Variants in LRBA observed in about 807,000 individuals in gnomAD.
The protein encoded by LRBA is lipopolysaccharide-responsive and beige-like anchor protein.
Under a neutral mutation model 330.0 loss-of-function variants are expected in LRBA, and 176 were observed. The ratio of observed to expected loss-of-function variants is 0.53; its 90% CI spans 0.47 to 0.60. The LOEUF (loss-of-function observed/expected upper bound fraction) is 0.60, where lower values mean the gene tolerates loss of function less well. Among genes scored for constraint, LRBA ranks in the 20% least tolerant of loss-of-function variants. The probability of loss-of-function intolerance (pLI) is 0.00; values close to 1 mark genes in which losing one functional copy is unlikely to be tolerated. For synonymous variants in LRBA, 1,230 were observed against 1,193.0 expected (o/e 1.03, Z -0.64); for missense variants, 3,259 against 3,444.8 (o/e 0.95, Z 1.35).
At chr4:150,689,591 C>T (rs1172148189) in intron 36 of LRBA, among the ~76,000 whole-genome samples, 1 of 151,708 alleles carries the variant, frequency 6.6e-6, no homozygotes, top group Non-Finnish European at 1.5e-5. Flanking sequence ...ATCTCAGGCC[C>T]ACATGTTTAT....
At chr4:150,340,975 G>A (rs949241024) in intron 48 of LRBA, among the ~76,000 whole-genome samples, 22 of 152,094 alleles carry the variant, frequency 1.4e-4, no homozygotes, top group African/African-American at 5.1e-4. Context: ...AGAAGGAAGT[G>A]AAATGATCTG....
intron 2 of LRBA, 146 bp downstream of exon 2, chr4:151,014,281 G>C (rs1745180762): frequency 1.6e-6 from 1 of 606,490 alleles, no homozygotes; most frequent in Admixed American, 3.0e-5. Context: ...AGATGAAATT[G>C]TTTCATTTAG....
intron 2 of LRBA, among the ~76,000 whole-genome samples, chr4:150,942,471 C>T (rs1434657189): frequency 6.6e-6 from 1 of 152,084 alleles, no homozygotes; most frequent in Non-Finnish European, 1.5e-5. Context: ...ACCATTTTGA[C>T]CTCTCCAGCC....
intron 40 of LRBA, among the ~76,000 whole-genome samples, chr4:150,541,961 G>T (rs1765363477): frequency 6.6e-6 from 1 of 152,002 alleles, no homozygotes; most frequent in African/African-American, 2.4e-5. Flanking sequence ...TTTAAAGACA[G>T]AAATACCTTG....
chr4:150,512,486 G>C (rs1004460139), intron 40 of LRBA, among the ~76,000 whole-genome samples: 1 of 152,102 alleles, frequency 6.6e-6, no homozygotes, highest in African/African-American at 2.4e-5. Flanking sequence ...GAGCCCTCAT[G>C]AATGGGATTA....
chr4:150,398,185 T>C (rs571409857), intron 47 of LRBA, among the ~76,000 whole-genome samples: 34 of 152,284 alleles, frequency 2.2e-4, no homozygotes, highest in African/African-American at 8.2e-4. Flanking sequence ...TAAATAAGCA[T>C]GGGACTAACA....
rs536172381 is a variant in LRBA, at chr4:150,310,235, C to G, written c.7843G>C (p.Asp2615His). 6.2e-7 allele frequency: 1 copy of G among 1,610,016 alleles called. No homozygotes were observed. The highest frequency in any genetic ancestry group is 8.5e-7 in the Non-Finnish European group (1 of 1,176,788). The change falls in exon 52 of 57, where the codon GAC (aspartate) becomes CAC (histidine). Residue 2615 changes from aspartate to histidine, a missense_variant. Asp to His is a moderately conservative substitution (Grantham distance 81). Transcript: ENST00000651943. Reference protein sequence around the residue: ...WDKSFRVYSTDTGRLIQVVFG... With the variant: ...WDKSFRVYSTHTGRLIQVVFG... Reference sequence around the variant, plus strand: ...TAAAGAAAATGAAAATTACCTGTGTCTGTAGAATAGACTCTGAAACTTTTA... The same window carrying G: ...TAAAGAAAATGAAAATTACCTGTGTGTGTAGAATAGACTCTGAAACTTTTA...
intron 44 of LRBA, among the ~76,000 whole-genome samples, chr4:150,458,844 T>C (rs1352138727): frequency 6.6e-6 from 1 of 151,858 alleles, no homozygotes; most frequent in Non-Finnish European, 1.5e-5. Flanking sequence ...CTTCTGGTTT[T>C]GTTTTGATTT....
In LRBA at chr4:150,583,386, G is replaced by C; in HGVS notation, c.6330+4662C>G. The C allele has an allele frequency of 2.5e-6, 4 of 1,614,088 alleles. No individual in the cohort carries two copies. Among genetic ancestry groups the C allele is most frequent in the Non-Finnish European group, 3.4e-6 (4 of 1,180,038 alleles). On this transcript the variant is annotated intron_variant, in intron 40 of 56. Coordinates refer to ENST00000651943, the MANE Select transcript of LRBA (RefSeq NM_001364905.1). This position sits in a 1 kb window ranked among gnomAD's most constrained non-coding sequence, Gnocchi z 9.8. ...CTCTCTGGGTCGAGTTCATCACGGC[G>C]TCGGGCTATCTCTCAGCGCGTAAGA... is the stretch of plus-strand genomic sequence containing the variant.
At chr4:150,415,832 T>C (rs1747658403) in intron 46 of LRBA, among the ~76,000 whole-genome samples, 1 of 152,192 alleles carries the variant, frequency 6.6e-6, no homozygotes, top group South Asian at 2.1e-4. Context: ...TCATGACATG[T>C]CTCATAACCT....
rs79746030 is a variant in LRBA at position 150,702,359 on chromosome 4, A to C, written c.5755-18642T>G. 7.1e-3 allele frequency among the ~76,000 whole-genome samples: 1,088 copies of C among 152,308 alleles called. 34 individuals are homozygous for C. The East Asian group carries it at 0.079, about 11-fold the overall frequency. On this transcript the variant is annotated intron_variant, in intron 36 of 56. Coordinates refer to ENST00000651943, the MANE Select transcript of LRBA (RefSeq NM_001364905.1). ...ACATGCACATAGGAAAAAACATATA[A>C]AGTCATTAGAAAAGAGCAAGGTAAA...
intron 43 of LRBA, among the ~76,000 whole-genome samples, chr4:150,468,768 C>A (rs956363343): frequency 6.6e-6 from 1 of 151,840 alleles, no homozygotes; most frequent in African/African-American, 2.4e-5. Context: ...TATATCAATA[C>A]GTAGCTGAAT....
At chr4:150,871,295 C>A in intron 19 of LRBA, 50 bp downstream of exon 19, 3 of 963,284 alleles carry the variant, frequency 3.1e-6, no homozygotes, top group South Asian at 1.4e-5. Flanking sequence ...TGTTAAGAGG[C>A]ATTTTTATAA....
intron 47 of LRBA, among the ~76,000 whole-genome samples, chr4:150,371,813 G>A (rs1467808142): frequency 1.3e-5 from 2 of 152,078 alleles, no homozygotes; most frequent in African/African-American, 2.4e-5. Context: ...TTTAAATGCT[G>A]TCTATATTCC....
In LRBA at chr4:150,265,363, T is replaced by A. The variant is rs1422352297; in HGVS notation, c.*359A>T. 1 of 171,900 alleles carries A rather than the reference T, an allele frequency of 5.8e-6. No homozygotes were observed. Among genetic ancestry groups the A allele is most frequent in the African/African-American group, 2.4e-5 (1 of 42,084 alleles). The allele number at this position is 171,900 out of a possible 1,614,324, so 10.6% of individuals were successfully genotyped here. A position where few individuals can be genotyped will look rare whatever the true frequency, so the allele number is the denominator to read the frequency against. ...AATATTGTAACCCACTTCCCCACTGTGAAAATCCTATTTCTCAAGCTTGTA... is the reference window on the plus strand; with the variant it reads ...AATATTGTAACCCACTTCCCCACTGAGAAAATCCTATTTCTCAAGCTTGTA... On this transcript the variant is annotated 3_prime_UTR_variant, in exon 57 of 57. Transcript: ENST00000651943.
At chr4:150,933,777 C>T (rs1460078309) in intron 2 of LRBA, among the ~76,000 whole-genome samples, 4 of 151,856 alleles carry the variant, frequency 2.6e-5, no homozygotes, top group Non-Finnish European at 5.9e-5. Context: ...TTTGGGAAAC[C>T]GAGAGAGCAG....
At chr4:150,571,346 T>C (rs2152283973) in intron 40 of LRBA, among the ~76,000 whole-genome samples, 1 of 152,198 alleles carries the variant, frequency 6.6e-6, no homozygotes, top group South Asian at 2.1e-4. Context: ...CAATGATTAA[T>C]AAACAGAAGA....
Position 150,305,236 on chromosome 4 carries a change from G to A in LRBA, c.7850-2444C>T, listed in dbSNP as rs60246200. On this transcript the variant is annotated intron_variant, in intron 52 of 56. Transcript: ENST00000651943. The stretch of plus-strand genomic sequence containing the variant: ...TCATGTGAGGACAAAGGGAAAAAAT[G>A]TAGCTGTAAAGGTGGGATGGATTAA... 3.9e-5 allele frequency among the ~76,000 whole-genome samples: 6 copies of A among 152,220 alleles called. No homozygotes were observed. In the East Asian group the frequency reaches 7.7e-4, roughly 20 times the overall value.
At chr4:150,325,718 G>A in intron 49 of LRBA, 91 bp downstream of exon 49, 2 of 885,288 alleles carry the variant, frequency 2.3e-6, no homozygotes, top group Non-Finnish European at 3.8e-6. Flanking sequence ...CACATATGGT[G>A]GAGAAACTCA....
Sources: allele counts gnomAD v4.1 joint callset (sites outside exome capture counted in the v4.1 genomes callset), GRCh38; gene constraint gnomAD v4.1.1; non-coding constraint Gnocchi (gnomAD v3.1); transcripts MANE v1.5; gene names NCBI Gene and HGNC (gene_info 2026-07-23, HGNC 2026-07-21).